Variants in AXDND1 observed in about 807,000 individuals in gnomAD.
AXDND1 encodes the protein axonemal dynein light chain domain containing 1.
A neutral mutation model predicts 137.5 loss-of-function variants in AXDND1; 110 were observed. That is an observed-to-expected ratio of 0.80 (90% CI 0.69 to 0.94). The LOEUF is 0.94. Ranked by LOEUF, AXDND1 falls within the 40% of genes least tolerant of loss-of-function variation. The pLI is 0.00. For synonymous variants in AXDND1, 414 were observed against 399.7 expected, an observed-to-expected ratio of 1.04 and a Z score of -0.43; for missense variants, 1,191 against 1,169.8, an observed-to-expected ratio of 1.02 and a Z score of -0.26.
At chr1:179,477,204 A>G (rs1472668104) in intron 17 of AXDND1, among the ~76,000 whole-genome samples, 1 of 151,826 alleles carries the variant, frequency 6.6e-6, no homozygotes, top group African/African-American at 2.4e-5. Flanking sequence ...TTTCCAATTT[A>G]TATTTTTAAT....
Position 179,543,247 on chromosome 1 carries a change from A to C in AXDND1, c.3031+8285A>C, listed in dbSNP as rs550486417. 3.9e-5 allele frequency: 6 copies of C among 152,336 alleles called. No individual in the cohort carries two copies. The South Asian group carries it at 1.2e-3, about 32-fold the overall frequency. The allele number at this position is 152,336 out of a possible 1,614,324, so 9.4% of individuals were successfully genotyped here. On this transcript the variant is annotated intron_variant, in intron 25 of 25. Transcript: ENST00000367618. ...TTTTATGTCAGTATTTTTAATAATTAGCAAATCACTGTGCTCTGAGCTGTG... is the reference window on the plus strand; with the variant it reads ...TTTTATGTCAGTATTTTTAATAATTCGCAAATCACTGTGCTCTGAGCTGTG...
chr1:179,534,852 C>T lies in AXDND1; in HGVS notation c.2921C>T (p.Ser974Phe). Residue 974 changes from serine to phenylalanine, a missense_variant, in exon 25 of 26, where the codon TCT becomes TTT. Coordinates refer to ENST00000367618, the MANE Select transcript of AXDND1 (RefSeq NM_144696.6). ...EELVMTSRKE[S>F]KEEKENQDER... ...TTAGTCATGACATCAAGAAAGGAGTCTAAAGAAGAGAAAGAAAATCAAGAT... is the reference window on the plus strand; with the variant it reads ...TTAGTCATGACATCAAGAAAGGAGTTTAAAGAAGAGAAAGAAAATCAAGAT... 1 of 1,610,764 alleles carries T rather than the reference C, an allele frequency of 6.2e-7. No individual in the cohort carries two copies. The highest frequency in any genetic ancestry group is 8.5e-7 in the Non-Finnish European group (1 of 1,179,380).
At chr1:179,389,067 G>A (rs759718709) in intron 9 of AXDND1, among the ~76,000 whole-genome samples, 16 of 128,622 alleles carry the variant, frequency 1.2e-4, no homozygotes, top group Admixed American at 3.0e-4. Flanking sequence ...CTCCACCTCC[G>A]CATTCAAGTG....
chr1:179,542,844 C>T (rs776398279), intron 25 of AXDND1, among the ~76,000 whole-genome samples: 85 of 152,326 alleles, frequency 5.6e-4, no homozygotes, highest in Admixed American at 1.0e-3. Flanking sequence ...CACCCTTCCC[C>T]CTCCTTCCAA....
intron 22 of AXDND1, among the ~76,000 whole-genome samples, chr1:179,526,435 A>G (rs913869291): frequency 1.3e-5 from 2 of 152,198 alleles, no homozygotes; most frequent in Admixed American, 6.5e-5. Context: ...TCAAAATCAT[A>G]TAGCTGTAAG....
chr1:179,540,306 C>T (rs923346157), intron 25 of AXDND1, among the ~76,000 whole-genome samples: 9 of 152,146 alleles, frequency 5.9e-5, no homozygotes, highest in African/African-American at 2.2e-4. Context: ...CCTTTCTGTG[C>T]TGGTTTCTCC....
chr1:179,424,097 C>T (rs1233567972), intron 12 of AXDND1, among the ~76,000 whole-genome samples: 1 of 152,066 alleles, frequency 6.6e-6, no homozygotes, highest in Non-Finnish European at 1.5e-5. Flanking sequence ...ATTTAAAGAA[C>T]AACTTTGCTG....
At chr1:179,366,715 C>T in intron 2 of AXDND1, 109 bp downstream of exon 2, 1 of 878,522 alleles carries the variant, frequency 1.1e-6, no homozygotes, top group Admixed American at 2.3e-5. Flanking sequence ...TGATTGGCTA[C>T]ATTTTTCTAA....
chr1:179,373,918 C>T (rs953859586), intron 4 of AXDND1, among the ~76,000 whole-genome samples: 4 of 152,118 alleles, frequency 2.6e-5, no homozygotes, highest in African/African-American at 9.7e-5. Flanking sequence ...TAGGCATGGG[C>T]AAGGACTTCA....
chr1:179,523,599 T>C (rs1250465992), intron 21 of AXDND1, among the ~76,000 whole-genome samples: 3 of 152,180 alleles, frequency 2.0e-5, no homozygotes, highest in Non-Finnish European at 4.4e-5. Flanking sequence ...GATTTGCCTA[T>C]TCTGGACATG....
In AXDND1 at chr1:179,506,691, C is replaced by T. The variant is rs149632003; in HGVS notation, c.2389-2605C>T. On this transcript the variant is annotated intron_variant, in intron 20 of 25. Coordinates refer to ENST00000367618, the MANE Select transcript of AXDND1 (RefSeq NM_144696.6). ...GTTGCAGTGAGCCGAGATTGCACCA[C>T]TGCACTCTAGCCTGGGCGACAGAGT... is the stretch of plus-strand genomic sequence containing the variant. The T allele has an allele frequency of 3.2e-3, 612 of 188,748 alleles. 4 individuals are homozygous for T. Among genetic ancestry groups the T allele is most frequent in the African/African-American group, 0.014 (581 of 42,186 alleles). The allele number at this position is 188,748 out of a possible 1,614,324, so 11.7% of individuals were successfully genotyped here.
At chr1:179,491,034 G>T (rs531602186) in intron 18 of AXDND1, among the ~76,000 whole-genome samples, 2 of 152,336 alleles carry the variant, frequency 1.3e-5, no homozygotes, top group South Asian at 4.1e-4. Context: ...GGCTAAAGAA[G>T]AGATCAGTGG....
At chr1:179,542,958 G>C (rs1253907979) in intron 25 of AXDND1, among the ~76,000 whole-genome samples, 1 of 152,142 alleles carries the variant, frequency 6.6e-6, no homozygotes, top group Non-Finnish European at 1.5e-5. Context: ...CCTGTGCCCT[G>C]CAAGGGACCT....
intron 9 of AXDND1, among the ~76,000 whole-genome samples, chr1:179,386,227 A>G (rs1201338392): frequency 6.6e-6 from 1 of 151,262 alleles, no homozygotes; most frequent in African/African-American, 2.4e-5. Flanking sequence ...AATTTTGTAT[A>G]TTAGTAGAGA....
In AXDND1 at chr1:179,420,891, G is replaced by A. The variant is rs575460512; in HGVS notation, c.1231-8627G>A. 2.0e-5 allele frequency among the ~76,000 whole-genome samples: 3 copies of A among 152,256 alleles called. No homozygotes were observed. In the South Asian group the frequency reaches 6.2e-4, roughly 32 times the overall value. ...CTGCCCCACCCTCCCAAGGTACTGG[G>A]ATTACAGGCGTGAGCTACCATGTCC... On this transcript the variant is annotated intron_variant, in intron 12 of 25. Coordinates refer to ENST00000367618, the MANE Select transcript of AXDND1 (RefSeq NM_144696.6).
At chr1:179,420,169 C>G (rs1655456699) in intron 12 of AXDND1, among the ~76,000 whole-genome samples, 1 of 152,140 alleles carries the variant, frequency 6.6e-6, no homozygotes, top group Non-Finnish European at 1.5e-5. Flanking sequence ...TGAATGTTAT[C>G]AAGTGCTTTT....
intron 16 of AXDND1, among the ~76,000 whole-genome samples, chr1:179,459,845 T>TC (rs201437954): frequency 0.025 from 2,347 of 93,978 alleles, 85 homozygotes; most frequent in African/African-American, 0.096. Flanking sequence ...TTCTTTCCCT[T>TC]CCTTCCTTCC....
chr1:179,458,446 A>G (rs1055262207), intron 16 of AXDND1, among the ~76,000 whole-genome samples: 13 of 152,166 alleles, frequency 8.5e-5, no homozygotes, highest in African/African-American at 1.7e-4. Flanking sequence ...CAATAAATAT[A>G]GTACAAATAA....
At chr1:179,371,857 G>A (rs1392199315) in intron 4 of AXDND1, among the ~76,000 whole-genome samples, 5 of 152,142 alleles carry the variant, frequency 3.3e-5, no homozygotes, top group Non-Finnish European at 7.4e-5. Context: ...CAGCTCAGTC[G>A]CCAACTGTCA....
Sources: allele counts gnomAD v4.1 joint callset (sites outside exome capture counted in the v4.1 genomes callset), GRCh38; gene constraint gnomAD v4.1.1; transcripts MANE v1.5; gene names NCBI Gene and HGNC (gene_info 2026-07-23, HGNC 2026-07-21).